Variants in TFB1M observed in about 807,000 individuals in gnomAD.
The protein encoded by TFB1M is transcription factor B1, mitochondrial, also known as dimethyladenosine transferase 1, mitochondrial.
A neutral mutation model predicts 31.1 loss-of-function variants in TFB1M; 27 were observed. The ratio of observed to expected loss-of-function variants is 0.87; its 90% confidence interval spans 0.64 to 1.20. TFB1M has a LOEUF of 1.20. Among genes scored for constraint, TFB1M ranks in the 50% most tolerant of loss-of-function variants. The probability of loss-of-function intolerance (pLI) is 0.00; values close to 1 mark genes in which losing one functional copy is unlikely to be tolerated. For synonymous variants in TFB1M, 166 were observed against 151.8 expected, an observed-to-expected ratio of 1.09 and a Z score of -0.69; for missense variants, 394 against 418.7, an observed-to-expected ratio of 0.94 and a Z score of 0.51.
chr6:155,244,601 G>A, the TFB1M span: 15 of 1,582,124 alleles, frequency 9.5e-6, no homozygotes, highest in South Asian at 5.7e-5. Context: ...AAGAGTTAGC[G>A]TGGTGTCCTG....
chr6:155,282,593 C>T (rs1030277551), intron 5 of TFB1M, among the ~76,000 whole-genome samples: 2 of 152,260 alleles, frequency 1.3e-5, no homozygotes, highest in East Asian at 1.9e-4. Context: ...TAGCGCTTAG[C>T]TTATCTTACC....
At chr6:155,289,105 G>A (rs184070414) in intron 4 of TFB1M, among the ~76,000 whole-genome samples, 1 of 151,952 alleles carries the variant, frequency 6.6e-6, no homozygotes, top group Admixed American at 6.5e-5. Flanking sequence ...TTAAGTACAA[G>A]GAGAAAAATT....
At chr6:155,261,260 T>C (rs1231407445) in intron 5 of TFB1M, among the ~76,000 whole-genome samples, 5 of 152,318 alleles carry the variant, frequency 3.3e-5, no homozygotes, top group South Asian at 2.1e-4. Flanking sequence ...CTCGTCATAA[T>C]TGACAAAAGC....
At chr6:155,258,756 G>A (rs1784241862) in intron 6 of TFB1M, among the ~76,000 whole-genome samples, 1 of 152,188 alleles carries the variant, frequency 6.6e-6, no homozygotes, top group Non-Finnish European at 1.5e-5. Context: ...CTCATCCCAA[G>A]GGGCTTGGAA....
chr6:155,263,881 A>G (rs894911158), intron 5 of TFB1M: 2 of 151,650 alleles, frequency 1.3e-5, no homozygotes, highest in African/African-American at 4.8e-5. Context: ...TGAAAAAATG[A>G]TGAGGAAGTT....
intron 4 of TFB1M, among the ~76,000 whole-genome samples, chr6:155,291,262 C>T (rs111594416): frequency 0.012 from 1,865 of 152,152 alleles, 33 homozygotes; most frequent in Non-Finnish European, 0.015. Context: ...AGCTGGTGTT[C>T]GGAGAATTGG....
In TFB1M at chr6:155,257,461, T is replaced by G. The variant is rs975630321; in HGVS notation, c.*375A>C. 3.0e-6 allele frequency: 1 copy of G among 338,882 alleles called. No individual in the cohort carries two copies. Among genetic ancestry groups the G allele is most frequent in the Admixed American group, 4.7e-5 (1 of 21,422 alleles). 21.0% of individuals were successfully genotyped at this position (338,882 alleles called of 1,614,324 possible). A position where few individuals can be genotyped will look rare whatever the true frequency, so the allele number is the denominator to read the frequency against. On this transcript the variant is annotated 3_prime_UTR_variant, in exon 7 of 7. Coordinates refer to ENST00000367166, the MANE Select transcript of TFB1M (RefSeq NM_016020.4). ...GATTAATAGTTTTCAAAGGGCCATT[T>G]TTTAAAATCCTCTGGGCATTTTCTT...
At chr6:155,258,171 A>G in intron 6 of TFB1M, 89 bp from the exon 7 acceptor site, 1 of 1,485,210 alleles carries the variant, frequency 6.7e-7, no homozygotes, top group Non-Finnish European at 9.3e-7. Context: ...TGAAAACAAC[A>G]CAACACAGTT....
the TFB1M span, chr6:155,240,468 G>C: frequency 6.6e-7 from 1 of 1,519,384 alleles, no homozygotes; most frequent in South Asian, 1.3e-5. Flanking sequence ...GTGCCCTTGG[G>C]GGCAGCGGAT....
intron 2 of TFB1M, chr6:155,299,477 T>G (rs1315323156): frequency 6.6e-6 from 1 of 152,146 alleles, no homozygotes; most frequent in Non-Finnish European, 1.5e-5. Flanking sequence ...AGTTAAATAT[T>G]AAAAAAGTCT....
At chr6:155,240,470 G>A in the TFB1M span, 3 of 1,520,590 alleles carry the variant, frequency 2.0e-6, no homozygotes, top group Non-Finnish European at 2.7e-6. Flanking sequence ...GCCCTTGGGG[G>A]CAGCGGATAC....
chr6:155,249,184 A>G, the TFB1M span, among the ~76,000 whole-genome samples: 3 of 152,262 alleles, frequency 2.0e-5, no homozygotes, highest in Non-Finnish European at 2.9e-5. Flanking sequence ...TACTGAATTT[A>G]GAAGTGACCT....
chr6:155,229,962 T>A, the TFB1M span, among the ~76,000 whole-genome samples: 1 of 151,940 alleles, frequency 6.6e-6, no homozygotes, highest in Admixed American at 6.6e-5. Context: ...CCCACCCCCA[T>A]GATTCAATTA....
chr6:155,284,589 G>C (rs1448652634), intron 5 of TFB1M, among the ~76,000 whole-genome samples: 1 of 152,196 alleles, frequency 6.6e-6, no homozygotes, highest in Non-Finnish European at 1.5e-5. Context: ...TGCTAAAACA[G>C]ACAACGGTTT....
intron 5 of TFB1M, among the ~76,000 whole-genome samples, chr6:155,265,403 T>C (rs975096579): frequency 3.3e-5 from 5 of 152,188 alleles, no homozygotes; most frequent in African/African-American, 4.8e-5. Flanking sequence ...TAATTCATAA[T>C]AAACCATAAT....
the TFB1M span, chr6:155,248,181 T>TGAG: frequency 6.2e-7 from 1 of 1,612,324 alleles, no homozygotes; most frequent in Non-Finnish European, 8.5e-7. Context: ...ACCTGACGGG[T>TGAG]GAGGCGGCGG....
At chr6:155,235,789 T>C in the TFB1M span, among the ~76,000 whole-genome samples, 492 of 152,346 alleles carry the variant, frequency 3.2e-3, 5 homozygotes, top group African/African-American at 0.011. Context: ...TTTTGGGAGT[T>C]AATCTTACCA....
At chr6:155,269,980 G>A (rs776018606) in intron 5 of TFB1M, among the ~76,000 whole-genome samples, 4 of 152,240 alleles carry the variant, frequency 2.6e-5, no homozygotes, top group Non-Finnish European at 5.9e-5. Flanking sequence ...GCCCTGTGGG[G>A]CTGAACTTCT....
the TFB1M span, chr6:155,232,937 T>A: frequency 1.3e-5 from 2 of 152,178 alleles, no homozygotes; most frequent in Admixed American, 6.5e-5. Flanking sequence ...TACCCCAAAT[T>A]ACGCAGCACT....
Sources: allele counts gnomAD v4.1 joint callset (sites outside exome capture counted in the v4.1 genomes callset), GRCh38; gene constraint gnomAD v4.1.1; transcripts MANE v1.5; gene names NCBI Gene and HGNC (gene_info 2026-07-23, HGNC 2026-07-21).